The following TPCN2 variants were observed in gnomAD, a reference collection of about 807,000 sequenced individuals.
The protein encoded by TPCN2 is two pore segment channel 2, also known as two pore channel protein 2.
In TPCN2, 92 loss-of-function variants were observed where a neutral mutation model predicts 111.4. That is an observed-to-expected ratio of 0.83 (90% CI 0.70 to 0.98). The LOEUF is 0.98. TPCN2 is among the 50% of genes least tolerant of loss of function. TPCN2 has a pLI of 0.00. For synonymous variants in TPCN2, 405 were observed against 414.5 expected, an observed-to-expected ratio of 0.98 and a Z score of 0.28; for missense variants, 995 against 980.1, an observed-to-expected ratio of 1.02 and a Z score of -0.20.
chr11:69,071,332 G>T, intron 9 of TPCN2, 24 bp from the exon 10 acceptor site: 1 of 1,610,320 alleles, frequency 6.2e-7, no homozygotes, highest in Non-Finnish European at 8.5e-7. Context: ...TGGCGCCCCT[G>T]ACCGTGGCTG....
At chr11:69,079,086 G>T in intron 16 of TPCN2, 66 bp downstream of exon 16, 1 of 1,539,180 alleles carries the variant, frequency 6.5e-7, no homozygotes, top group Non-Finnish European at 8.7e-7. Flanking sequence ...TGGGCTCTGT[G>T]CTGGCCCATC....
intron 5 of TPCN2, 38 bp downstream of exon 5, chr11:69,057,732 C>A: frequency 6.3e-7 from 1 of 1,597,236 alleles, no homozygotes; most frequent in Non-Finnish European, 8.6e-7. Context: ...ATGGAGAGAT[C>A]TGGGGCTGGT....
chr11:69,070,982 A>G (rs1368845522), intron 9 of TPCN2, among the ~76,000 whole-genome samples: 1 of 119,166 alleles, frequency 8.4e-6, no homozygotes, highest in African/African-American at 3.3e-5. Context: ...CAACAGGTTC[A>G]CCCCAGGGAT....
At chr11:69,074,035 TATA>T (rs1217571964) in intron 13 of TPCN2, among the ~76,000 whole-genome samples, 1 of 152,228 alleles carries the variant, frequency 6.6e-6, no homozygotes, top group Non-Finnish European at 1.5e-5. Flanking sequence ...TGTCTCCAAA[TATA>T]GTCACATTCT....
At chr11:69,054,131 G>C (rs1452832237) in intron 2 of TPCN2, 34 bp downstream of exon 2, 3 of 1,589,468 alleles carry the variant, frequency 1.9e-6, no homozygotes, top group South Asian at 2.2e-5. Flanking sequence ...GCCGGGCCTG[G>C]GGGGTGGCCG....
At chr11:69,052,232 T>C (rs1861258269) in intron 1 of TPCN2, among the ~76,000 whole-genome samples, 1 of 152,066 alleles carries the variant, frequency 6.6e-6, no homozygotes, top group Non-Finnish European at 1.5e-5. Flanking sequence ...AAGAAGCTTG[T>C]ATCACTAGAT....
chr11:69,064,089 AGTG>A, intron 7 of TPCN2, 122 bp downstream of exon 7: 1 of 943,592 alleles, frequency 1.1e-6, no homozygotes, highest in East Asian at 2.6e-5. Flanking sequence ...CAGTAATAGC[AGTG>A]GCCCATCTGG....
intron 10 of TPCN2, 118 bp downstream of exon 10, chr11:69,071,538 G>T: frequency 1.1e-6 from 1 of 892,620 alleles, no homozygotes; most frequent in East Asian, 2.6e-5. Context: ...GGACGGGAGG[G>T]CAGGGTTGCC....
intron 22 of TPCN2, among the ~76,000 whole-genome samples, chr11:69,086,293 G>A (rs1435310663): frequency 6.6e-6 from 1 of 152,210 alleles, no homozygotes; most frequent in Non-Finnish European, 1.5e-5. Context: ...ATGGTCCTGG[G>A]TTTTAATCCC....
intron 5 of TPCN2, among the ~76,000 whole-genome samples, chr11:69,061,251 C>A (rs777628408): frequency 4.6e-5 from 7 of 152,108 alleles, no homozygotes; most frequent in African/African-American, 1.7e-4. Flanking sequence ...CTGAGCCGGC[C>A]GGCTGGGCAG....
At chr11:69,073,121 G>C in intron 13 of TPCN2, 120 bp downstream of exon 13, 1 of 719,520 alleles carries the variant, frequency 1.4e-6, no homozygotes, top group South Asian at 1.7e-5. Flanking sequence ...AGGGATCCTG[G>C]CTCCTAGTAT....
At chr11:69,063,156 C>T (rs917840900) in intron 6 of TPCN2, among the ~76,000 whole-genome samples, 166 bp downstream of exon 6, 1 of 151,852 alleles carries the variant, frequency 6.6e-6, no homozygotes, top group African/African-American at 2.4e-5. Flanking sequence ...CTTTTGGGGT[C>T]TCTTTGGTTC....
At chr11:69,085,343 G>GTGGGGGGGGGGGGA in intron 20 of TPCN2, 57 bp downstream of exon 20, 2 of 581,872 alleles carry the variant, frequency 3.4e-6, no homozygotes, top group Non-Finnish European at 3.4e-6. Flanking sequence ...GGGTGGGCGG[G>GTGGGGGGGGGGGGA]AAGCCTTGGC....
chr11:69,070,751 A>G (rs1376037691), intron 9 of TPCN2, among the ~76,000 whole-genome samples: 9 of 128,264 alleles, frequency 7.0e-5, no homozygotes, highest in Non-Finnish European at 1.3e-4. Context: ...CCCCACCAAC[A>G]GCTTCACCCC....
intron 13 of TPCN2, among the ~76,000 whole-genome samples, chr11:69,075,044 G>T (rs751574895): frequency 6.6e-6 from 1 of 152,352 alleles, no homozygotes; most frequent in Non-Finnish European, 1.5e-5. Flanking sequence ...GAGCGGGCTT[G>T]TGTGCGCACA....
chr11:69,074,297 T>C (rs1284688405), intron 13 of TPCN2, among the ~76,000 whole-genome samples: 1 of 152,246 alleles, frequency 6.6e-6, no homozygotes, highest in Non-Finnish European at 1.5e-5. Flanking sequence ...TCTTTAGGGC[T>C]GCATTCCTCA....
Position 69,070,409 on chromosome 11 carries a change from G to A in TPCN2, c.830-21G>A, listed in dbSNP as rs368573466. On this transcript the variant is annotated intron_variant, in intron 8 of 24. Transcript: ENST00000294309. ...TCAGGTACTGAGGTTGTCAGTTTCT[G>A]TTATTTCTTTTTTCTTTTAGTGATG... The A allele has an allele frequency of 2.0e-5, 32 of 1,600,768 alleles. No individual in the cohort carries two copies. The African/African-American group carries it at 2.8e-4, about 14-fold the overall frequency.
In TPCN2 at chr11:69,054,083, G is replaced by A. The variant is rs774969666; in HGVS notation, c.160G>A (p.Glu54Lys). ...CATTGATCAGGCTGTGGTCTTCATC[G>A]AAGATGCTATTCAGGTCGGTGGCAC... ...LCIDQAVVFI[E>K]DAIQYRSINH... is the part of the protein sequence containing the mutation. Residue 54 changes from glutamate to lysine, a missense_variant, in exon 2 of 25, where the codon GAA (glutamate) becomes AAA (lysine). Glu to Lys is a moderately conservative substitution (Grantham distance 56, BLOSUM62 1). Transcript: ENST00000294309. 12 of 1,613,446 alleles carry A rather than the reference G, an allele frequency of 7.4e-6. No homozygotes were observed. Among genetic ancestry groups the A allele is most frequent in the African/African-American group, 2.7e-5 (2 of 74,916 alleles).
In TPCN2 at chr11:69,057,638, G is replaced by A; in HGVS notation, c.490G>A (p.Val164Met). The A allele has an allele frequency of 6.2e-7, 1 of 1,614,230 alleles. No individual in the cohort carries two copies. The highest frequency in any genetic ancestry group is 2.2e-5 in the East Asian group (1 of 44,886). Residue 164 changes from valine to methionine, a missense_variant, in exon 5 of 25, where the codon GTG becomes ATG. Physicochemically the swap from Val to Met is conservative, Grantham distance 21. Transcript: ENST00000294309. ...CCTTTGGCTGCTGGGCTACCTCGTGGTGCTGGTGGTGTCTCTGGTGGACTG... is the reference window on the plus strand; with the variant it reads ...CCTTTGGCTGCTGGGCTACCTCGTGATGCTGGTGGTGTCTCTGGTGGACTG... ...KNLWLLGYLV[V>M]LVVSLVDWTV...
Sources: gnomAD v4.1 joint callset for allele counts (sites outside exome capture counted in the v4.1 genomes callset) on GRCh38, gnomAD v4.1.1 for gene constraint, MANE v1.5 for transcripts, NCBI Gene and HGNC (gene_info 2026-07-23, HGNC 2026-07-21) for gene names.